Variants in ARHGEF3 observed in about 807,000 individuals in gnomAD.
ARHGEF3 encodes Rho guanine nucleotide exchange factor 3, also known as 59.8 kDA protein.
A neutral mutation model predicts 63.2 loss-of-function variants in ARHGEF3; 28 were observed. The observed-to-expected ratio is 0.44, with a 90% CI of 0.33 to 0.61. The LOEUF is 0.61. Among genes scored for constraint, ARHGEF3 ranks in the 20% least tolerant of loss-of-function variants. The pLI, the probability that ARHGEF3 is intolerant of heterozygous loss-of-function variation, is 0.03. For missense variants in ARHGEF3, 533 were observed against 659.3 expected (o/e 0.81, Z 2.10); for synonymous variants, 266 against 254.2 (o/e 1.05, Z -0.44).
intron 2 of ARHGEF3, among the ~76,000 whole-genome samples, chr3:57,026,615 G>C (rs1703484294): frequency 6.8e-6 from 1 of 146,652 alleles, no homozygotes; most frequent in African/African-American, 2.5e-5. Flanking sequence ...GACAGTGGCT[G>C]TTTTAGGTGC....
In ARHGEF3 at chr3:56,985,791, C is replaced by T. The variant is rs565605699; in HGVS notation, c.63-26902G>A. The stretch of plus-strand genomic sequence containing the variant: ...AATGAACAAGCAGGTGAGAGGAAGG[C>T]ACAGACTCTAACAAATGAGGATGTA... On this transcript the variant is annotated intron_variant, in intron 2 of 12. Coordinates refer to the ARHGEF3 transcript ENST00000338458. Among the ~76,000 whole-genome samples the T allele has an allele frequency of 1.2e-4, 12 of 102,732 alleles. No homozygotes were observed. The South Asian group carries it at 3.8e-3, about 33-fold the overall frequency. The allele number at this position is 102,732 out of a possible 152,430, so 67.4% of individuals were successfully genotyped here. A position where few individuals can be genotyped will look rare whatever the true frequency, so the allele number is the denominator to read the frequency against.
At chr3:56,904,859 C>T (rs2108318461) in intron 3 of ARHGEF3, among the ~76,000 whole-genome samples, 1 of 152,342 alleles carries the variant, frequency 6.6e-6, no homozygotes, top group South Asian at 2.1e-4. Flanking sequence ...TGTTACTTCC[C>T]ATTTCCTTCG....
At chr3:56,803,888 CTTTT>C (rs113834830), upstream of ARHGEF3, among the ~76,000 whole-genome samples, 1 of 143,616 alleles carries the variant, frequency 7.0e-6, no homozygotes. Context: ...TATTTTCTTT[CTTTT>C]TTTTTTTTTT....
intron 4 of ARHGEF3, among the ~76,000 whole-genome samples, chr3:56,856,045 A>G (rs1200829008): frequency 6.6e-6 from 1 of 152,196 alleles, no homozygotes; most frequent in Non-Finnish European, 1.5e-5. Context: ...GAGCCTGCAG[A>G]CCAGCAGGGG....
At chr3:56,800,496 C>T (rs17825577) in intron 1 of ARHGEF3, among the ~76,000 whole-genome samples, 65,719 of 152,018 alleles carry the variant, frequency 0.43, 17,053 homozygotes, top group Non-Finnish European at 0.56. Flanking sequence ...TTGTGCTCAG[C>T]GTATAGAAAG....
intron 3 of ARHGEF3, among the ~76,000 whole-genome samples, chr3:56,953,106 G>A (rs921495624): frequency 1.3e-5 from 2 of 152,278 alleles, no homozygotes; most frequent in South Asian, 2.1e-4. Context: ...TGGGACTGAC[G>A]TTCAGTCAAC....
chr3:56,903,855 A>G (rs1457824639), intron 3 of ARHGEF3, among the ~76,000 whole-genome samples: 1 of 152,148 alleles, frequency 6.6e-6, no homozygotes, highest in East Asian at 1.9e-4. Flanking sequence ...CAATATACAC[A>G]GTATTAGAAA....
At chr3:56,819,663 C>G (rs1019483107) in intron 4 of ARHGEF3, among the ~76,000 whole-genome samples, 5 of 151,798 alleles carry the variant, frequency 3.3e-5, no homozygotes, top group Admixed American at 3.3e-4. Flanking sequence ...AGGTGCACCA[C>G]CATGCCTGGC....
chr3:57,045,299 T>A (rs372673518), intron 1 of ARHGEF3, among the ~76,000 whole-genome samples: 1 of 152,136 alleles, frequency 6.6e-6, no homozygotes, highest in African/African-American at 2.4e-5. Flanking sequence ...ACTACTACTG[T>A]CAGCCTGTCT....
intron 2 of ARHGEF3, among the ~76,000 whole-genome samples, chr3:56,772,625 C>G (rs1303130426): frequency 6.6e-6 from 1 of 152,146 alleles, no homozygotes; most frequent in East Asian, 1.9e-4. Context: ...GGATAAATCT[C>G]AACGTTCACT....
chr3:56,789,276 C>T (rs2036967004), intron 1 of ARHGEF3, among the ~76,000 whole-genome samples: 1 of 152,174 alleles, frequency 6.6e-6, no homozygotes. Context: ...TTAACCAGTA[C>T]ATTCTAGGGC....
At chr3:56,873,165 AG>A (rs1312706136) in intron 4 of ARHGEF3, among the ~76,000 whole-genome samples, 1 of 151,596 alleles carries the variant, frequency 6.6e-6, no homozygotes, top group Non-Finnish European at 1.5e-5. Flanking sequence ...CACTCAGCTA[AG>A]TTTTAAATTT....
At chr3:56,895,472 A>AT (rs11323819) in intron 3 of ARHGEF3, among the ~76,000 whole-genome samples, 316 of 77,320 alleles carry the variant, frequency 4.1e-3, no homozygotes, top group Non-Finnish European at 7.3e-3. Context: ...TTATTTATTT[A>AT]TTTTTTTTTG....
intron 1 of ARHGEF3, among the ~76,000 whole-genome samples, chr3:56,789,693 T>C (rs1011678381): frequency 2.0e-5 from 3 of 152,242 alleles, no homozygotes; most frequent in Admixed American, 1.3e-4. Context: ...CATATGTACA[T>C]ATCACCTGAG....
chr3:56,902,173 C>G (rs997119468), intron 3 of ARHGEF3, among the ~76,000 whole-genome samples: 6 of 152,154 alleles, frequency 3.9e-5, no homozygotes, highest in African/African-American at 1.4e-4. Context: ...CTGCTGGCAA[C>G]GTGCTAAGGG....
intron 3 of ARHGEF3, among the ~76,000 whole-genome samples, chr3:56,894,022 A>G (rs1560028004): frequency 6.6e-6 from 1 of 152,122 alleles, no homozygotes; most frequent in Non-Finnish European, 1.5e-5. Flanking sequence ...GCCGGCTGAC[A>G]ACCCCTGGGC....
intron 4 of ARHGEF3, among the ~76,000 whole-genome samples, chr3:56,873,162 C>A (rs1450877759): frequency 1.3e-5 from 2 of 151,376 alleles, no homozygotes; most frequent in Non-Finnish European, 2.9e-5. Flanking sequence ...CCACACTCAG[C>A]TAAGTTTTAA....
chr3:57,014,377 A>C (rs1414542669), intron 2 of ARHGEF3, among the ~76,000 whole-genome samples: 1 of 152,164 alleles, frequency 6.6e-6, no homozygotes, highest in East Asian at 1.9e-4. Context: ...CCTTCCTTCC[A>C]AACCACGCCC....
intron 1 of ARHGEF3, among the ~76,000 whole-genome samples, chr3:57,040,436 C>T (rs1704132346): frequency 7.2e-6 from 1 of 139,700 alleles, no homozygotes; most frequent in Non-Finnish European, 1.6e-5. Context: ...GAGATCACGC[C>T]ACTGCACTCC....
Sources: allele counts gnomAD v4.1 joint callset (sites outside exome capture counted in the v4.1 genomes callset), GRCh38; gene constraint gnomAD v4.1.1; transcripts MANE v1.5; gene names NCBI Gene and HGNC (gene_info 2026-07-23, HGNC 2026-07-21).